Variants in HDAC3 observed in about 807,000 individuals in gnomAD.
HDAC3 encodes SMAP45.
Under a neutral mutation model 62.3 loss-of-function variants are expected in HDAC3, and 21 were observed. That is an observed-to-expected ratio of 0.34 (90% CI 0.24 to 0.49). HDAC3 has a LOEUF of 0.49. Ranked by LOEUF, HDAC3 falls within the 20% of genes least tolerant of loss-of-function variation. HDAC3 has a pLI of 0.99. For missense variants in HDAC3, 270 were observed against 556.9 expected, an observed-to-expected ratio of 0.48 and a Z score of 5.19; for synonymous variants, 198 against 206.5, an observed-to-expected ratio of 0.96 and a Z score of 0.35.
chr5:141,635,661 G>A (rs1325965998), intron 2 of HDAC3, among the ~76,000 whole-genome samples: 1 of 152,268 alleles, frequency 6.6e-6, no homozygotes, highest in Non-Finnish European at 1.5e-5. Context: ...TGTCAACTCA[G>A]GCTGCTGATC....
intron 3 of HDAC3, among the ~76,000 whole-genome samples, chr5:141,631,125 CAA>C (rs112849067): frequency 2.1e-5 from 3 of 143,080 alleles, no homozygotes; most frequent in African/African-American, 7.7e-5. Flanking sequence ...TTTTAGGTCT[CAA>C]AAAAAAAAAA....
intron 3 of HDAC3, among the ~76,000 whole-genome samples, chr5:141,630,851 T>C (rs572558961): frequency 2.8e-5 from 4 of 142,456 alleles, no homozygotes; most frequent in Non-Finnish European, 4.6e-5. Flanking sequence ...CTTGATACCT[T>C]TTTTTTTTTT....
intron 3 of HDAC3, among the ~76,000 whole-genome samples, chr5:141,633,412 G>GT (rs1273483583): frequency 2.0e-5 from 3 of 152,008 alleles, no homozygotes; most frequent in Non-Finnish European, 4.4e-5. Flanking sequence ...ATGATACTAT[G>GT]TTTTTTTAAA....
chr5:141,625,095 A>C lies in HDAC3; in HGVS notation c.1217+113T>G. 1.1e-6 allele frequency: 1 copy of C among 951,356 alleles called. No homozygotes were observed. The highest frequency in any genetic ancestry group is 1.6e-6 in the Non-Finnish European group (1 of 639,982). 58.9% of individuals were successfully genotyped at this position (951,356 alleles called of 1,614,324 possible). A position where few individuals can be genotyped will look rare whatever the true frequency, so the allele number is the denominator to read the frequency against. ...GAAAAGAGTGAGGAAATTGTAGCAGACTAAAGGAGGTAAGCCAGAGGCAAT... is the reference window on the plus strand; with the variant it reads ...GAAAAGAGTGAGGAAATTGTAGCAGCCTAAAGGAGGTAAGCCAGAGGCAAT... On this transcript the variant is annotated intron_variant, in intron 14 of 14. Transcript: ENST00000305264. This position sits in a 1 kb window ranked among gnomAD's most constrained non-coding sequence, Gnocchi z 4.0.
chr5:141,624,372 CAAAAAAA>C (rs58610895), intron 14 of HDAC3, among the ~76,000 whole-genome samples: 10 of 22,086 alleles, frequency 4.5e-4, no homozygotes, highest in Non-Finnish European at 6.2e-4. Flanking sequence ...CCGTCTCTAC[CAAAAAAA>C]AAAAAAAAAA....
At position 141,626,632 on chromosome 5, in the gene HDAC3, A is replaced by G; in HGVS notation, c.831-349T>C. 3.5e-6 allele frequency: 1 copy of G among 285,054 alleles called. No homozygotes were observed. The highest frequency in any genetic ancestry group is 6.8e-6 in the Non-Finnish European group (1 of 146,238). 17.7% of individuals were successfully genotyped at this position (285,054 alleles called of 1,614,324 possible). On this transcript the variant is annotated intron_variant, in intron 10 of 14. Coordinates refer to ENST00000305264, the MANE Select transcript of HDAC3 (RefSeq NM_003883.4). The surrounding 1 kb of genome is among the most constrained non-coding windows in gnomAD (Gnocchi z 4.6). ...TCACGCCTTTGTAGTAGTCCCAGCT[A>G]CTCAGGAGGCTGAGGCAGGAGAAAT... is the stretch of plus-strand genomic sequence containing the variant.
In HDAC3 at chr5:141,627,913, G is replaced by A; in HGVS notation, c.810C>T (p.Asn270=). 6.2e-7 allele frequency: 1 copy of A among 1,614,168 alleles called. No individual in the cohort carries two copies. The highest frequency in any genetic ancestry group is 8.5e-7 in the Non-Finnish European group (1 of 1,180,042). ...CTCACCCATGCCCTCGGATGCTGAG[G>A]TTAAAGCAGCCCAATCGATCACAGC... ...SLGCDRLGCF[N]LSIRGHGECV... is the part of the protein sequence containing the mutation. The change falls in exon 10 of 15, where the codon AAC becomes AAT. Residue 270 remains asparagine, a synonymous_variant. Coordinates refer to ENST00000305264, the MANE Select transcript of HDAC3 (RefSeq NM_003883.4).
At position 141,636,638 on chromosome 5, in the gene HDAC3, T is replaced by C. The variant is rs749241634; in HGVS notation, c.56-8A>G. ...TCATAGGGTGTCCAGCTCCTGGGGGTGGGGAGAAGAGAGTTCGTCAGCTCT... is the reference window on the plus strand; with the variant it reads ...TCATAGGGTGTCCAGCTCCTGGGGGCGGGGAGAAGAGAGTTCGTCAGCTCT... On this transcript the variant is annotated splice_region_variant and splice_polypyrimidine_tract_variant and intron_variant, in intron 1 of 14. Transcript: ENST00000305264. 7.4e-6 allele frequency: 12 copies of C among 1,613,532 alleles called. No homozygotes were observed. In the East Asian group the frequency reaches 2.5e-4, roughly 33 times the overall value.
intron 14 of HDAC3, among the ~76,000 whole-genome samples, chr5:141,624,444 C>CTACTCGA (rs1435569335): frequency 2.0e-4 from 28 of 138,260 alleles, no homozygotes; most frequent in African/African-American, 7.7e-4. Flanking sequence ...ATGATTCCAG[C>CTACTCGA]TACTCGAGGG....
At chr5:141,623,555 A>G (rs780661441) in intron 14 of HDAC3, among the ~76,000 whole-genome samples, 6 of 152,240 alleles carry the variant, frequency 3.9e-5, no homozygotes, top group Non-Finnish European at 5.9e-5. Flanking sequence ...CCAGACAATG[A>G]AAAGCAATTT....
chr5:141,623,635 C>CG (rs1267286369), intron 14 of HDAC3, among the ~76,000 whole-genome samples: 11 of 152,236 alleles, frequency 7.2e-5, no homozygotes, highest in Admixed American at 5.9e-4. Flanking sequence ...CAGAAGGGAT[C>CG]GGGGGATATC....
In HDAC3 at chr5:141,628,264, G is replaced by A; in HGVS notation, c.692-77C>T. On this transcript the variant is annotated intron_variant, in intron 8 of 14. Transcript: ENST00000305264. The surrounding 1 kb of genome is among the most constrained non-coding windows in gnomAD (Gnocchi z 4.7). ...AGGGAACAAAAGGAAAAAGGGGGTT[G>A]AGCGAGCATGTAGCCCAGGAAAGGG... is the stretch of plus-strand genomic sequence containing the variant. 2.4e-6 allele frequency: 3 copies of A among 1,257,182 alleles called. No individual in the cohort carries two copies. Among genetic ancestry groups the A allele is most frequent in the East Asian group, 2.3e-5 (1 of 42,586 alleles). The allele number at this position is 1,257,182 out of a possible 1,614,324, so 77.9% of individuals were successfully genotyped here.
At position 141,625,801 on chromosome 5, in the gene HDAC3, G is replaced by C. The variant is rs1007949076; in HGVS notation, c.980-37C>G. 1 of 1,580,154 alleles carries C rather than the reference G, an allele frequency of 6.3e-7. No individual in the cohort carries two copies. Among genetic ancestry groups the C allele is most frequent in the African/African-American group, 1.3e-5 (1 of 74,332 alleles). ...GAGGAGAAAGTATGGCTCAGACTGA[G>C]AAAGGCAGCTAACAAGACTTCCCAA... On this transcript the variant is annotated intron_variant, in intron 12 of 14. Transcript: ENST00000305264. The surrounding 1 kb of genome is among the most constrained non-coding windows in gnomAD (Gnocchi z 4.0).
At position 141,621,420 on chromosome 5, in the gene HDAC3, C is replaced by T. The variant is rs372116191; in HGVS notation, c.*48G>A. On this transcript the variant is annotated 3_prime_UTR_variant, in exon 15 of 15. Coordinates refer to ENST00000305264, the MANE Select transcript of HDAC3 (RefSeq NM_003883.4). Reference sequence around the variant, plus strand: ...GCCACTCCTTTTCCCTCCAGCCCAACCAAGAGGTGAAAAGAAATTCCTTGG... The same window carrying T: ...GCCACTCCTTTTCCCTCCAGCCCAATCAAGAGGTGAAAAGAAATTCCTTGG... 3 of 1,557,912 alleles carry T rather than the reference C, an allele frequency of 1.9e-6. No homozygotes were observed. The highest frequency in any genetic ancestry group is 2.7e-6 in the Non-Finnish European group (3 of 1,129,008).
chr5:141,632,998 C>T (rs566080392), intron 3 of HDAC3, among the ~76,000 whole-genome samples: 4 of 152,296 alleles, frequency 2.6e-5, no homozygotes, highest in East Asian at 1.9e-4. Flanking sequence ...TATGTGACTA[C>T]GGCTAAGTTA....
Position 141,629,284 on chromosome 5 carries a change from T to C in HDAC3, c.499A>G (p.Ile167Val). 1 of 1,614,164 alleles carries C rather than the reference T, an allele frequency of 6.2e-7. No individual in the cohort carries two copies. Among genetic ancestry groups the C allele is most frequent in the East Asian group, 2.2e-5 (1 of 44,882 alleles). The change falls in exon 7 of 15, where the codon ATT becomes GTT. Residue 167 changes from isoleucine to valine, a missense_variant. Around this residue, in one of 5 missense-constraint regions of HDAC3, gnomAD observed 156 missense variants for 383.9 expected, o/e 0.41. Coordinates refer to ENST00000305264, the MANE Select transcript of HDAC3 (RefSeq NM_003883.4). The surrounding 1 kb of genome is among the most constrained non-coding windows in gnomAD (Gnocchi z 5.3). The stretch of plus-strand genomic sequence containing the variant: ...TCACCATGGTGGATGTCAATGTCAA[T>C]GTAGAGCACCCGAGGGTGGTACCTA... ...LLKYHPRVLY[I>V]DIDIHHGDGV...
rs2099906098 is a variant in HDAC3 at position 141,636,846 on chromosome 5, C to G, written c.-56G>C. Reference sequence around the variant, plus strand: ...GCCGCCCGCCGCCCGCGGCCGCCGCCAGCCCCTCCCCGGCCGTGCGTGCTG... The same window carrying G: ...GCCGCCCGCCGCCCGCGGCCGCCGCGAGCCCCTCCCCGGCCGTGCGTGCTG... On this transcript the variant is annotated 5_prime_UTR_variant, in exon 1 of 15. Coordinates refer to ENST00000305264, the MANE Select transcript of HDAC3 (RefSeq NM_003883.4). 7.3e-7 allele frequency: 1 copy of G among 1,366,510 alleles called. No individual in the cohort carries two copies. The allele number at this position is 1,366,510 out of a possible 1,614,324, so 84.6% of individuals were successfully genotyped here.
In HDAC3 at chr5:141,629,460, G is replaced by T; in HGVS notation, c.477-154C>A. On this transcript the variant is annotated intron_variant, in intron 6 of 14. Coordinates refer to ENST00000305264, the MANE Select transcript of HDAC3 (RefSeq NM_003883.4). The surrounding 1 kb of genome is among the most constrained non-coding windows in gnomAD (Gnocchi z 5.3). The stretch of plus-strand genomic sequence containing the variant: ...TCCCTAAAGGCAACTGGGGGCTCCA[G>T]CCTAGAGGCTAGAGGCAGGGACAGG... 2 of 1,090,742 alleles carry T rather than the reference G, an allele frequency of 1.8e-6. No homozygotes were observed. Among genetic ancestry groups the T allele is most frequent in the Non-Finnish European group, 2.7e-6 (2 of 748,662 alleles). The allele number at this position is 1,090,742 out of a possible 1,614,324, so 67.6% of individuals were successfully genotyped here. A position where few individuals can be genotyped will look rare whatever the true frequency, so the allele number is the denominator to read the frequency against.
chr5:141,628,282 G>C lies in HDAC3; in HGVS notation c.692-95C>G, dbSNP rs2099904727. 1 of 1,036,720 alleles carries C rather than the reference G, an allele frequency of 9.6e-7. No individual in the cohort carries two copies. Among genetic ancestry groups the C allele is most frequent in the Non-Finnish European group, 1.5e-6 (1 of 671,936 alleles). The allele number at this position is 1,036,720 out of a possible 1,614,324, so 64.2% of individuals were successfully genotyped here. The stretch of plus-strand genomic sequence containing the variant: ...GGGGGTTGAGCGAGCATGTAGCCCA[G>C]GAAAGGGGCCACCCAAAAGAATCAA... On this transcript the variant is annotated intron_variant, in intron 8 of 14. Transcript: ENST00000305264. The surrounding 1 kb of genome is among the most constrained non-coding windows in gnomAD (Gnocchi z 4.7).
Sources: allele counts gnomAD v4.1 joint callset (sites outside exome capture counted in the v4.1 genomes callset), GRCh38; gene constraint gnomAD v4.1.1; regional missense constraint gnomAD v4.1.1; non-coding constraint Gnocchi (gnomAD v3.1); transcripts MANE v1.5; gene names NCBI Gene and HGNC (gene_info 2026-07-23, HGNC 2026-07-21).